ZNF385B: variants seen among roughly 807,000 people sequenced by gnomAD.
The protein encoded by ZNF385B is zinc finger protein 385B.
In ZNF385B, 23 loss-of-function variants were observed where a neutral mutation model predicts 39.2. That is an observed-to-expected ratio of 0.59 (90% CI 0.42 to 0.83). The LOEUF is 0.83. Among genes scored for constraint, ZNF385B ranks in the 40% least tolerant of loss-of-function variants. The pLI is 0.00. For synonymous variants in ZNF385B, 205 were observed against 222.6 expected (o/e 0.92, Z 0.70); for missense variants, 552 against 598.9 (o/e 0.92, Z 0.82).
At chr2:179,820,200 C>A (rs1249078188) in intron 1 of ZNF385B, among the ~76,000 whole-genome samples, 8 of 151,930 alleles carry the variant, frequency 5.3e-5, no homozygotes, top group Admixed American at 3.3e-4. Flanking sequence ...ACTTAAAAAT[C>A]TCTTTTCCAG....
chr2:179,461,233 G>A (rs72968279), intron 6 of ZNF385B, among the ~76,000 whole-genome samples: 27,946 of 152,090 alleles, frequency 0.18, 3,182 homozygotes, highest in East Asian at 0.37. Context: ...TGTTTGCTGA[G>A]TAGGGGAGAG....
chr2:179,627,482 A>G (rs1690765418), intron 3 of ZNF385B, among the ~76,000 whole-genome samples: 1 of 152,218 alleles, frequency 6.6e-6, no homozygotes, highest in South Asian at 2.1e-4. Flanking sequence ...GCTGAACAAG[A>G]GGAAACAGAG....
At chr2:179,543,640 T>C (rs1434786156) in intron 4 of ZNF385B, among the ~76,000 whole-genome samples, 1 of 152,126 alleles carries the variant, frequency 6.6e-6, no homozygotes, top group Non-Finnish European at 1.5e-5. Context: ...TCCACTGCTC[T>C]AGGAACAATG....
At chr2:179,812,522 T>A (rs965858020) in intron 1 of ZNF385B, among the ~76,000 whole-genome samples, 1 of 152,230 alleles carries the variant, frequency 6.6e-6, no homozygotes, top group Non-Finnish European at 1.5e-5. Flanking sequence ...GCCATTAATC[T>A]AAGTGAAGTA....
intron 3 of ZNF385B, among the ~76,000 whole-genome samples, chr2:179,666,685 C>T (rs977939122): frequency 6.6e-6 from 1 of 151,748 alleles, no homozygotes; most frequent in African/African-American, 2.4e-5. Context: ...TTTATTCATT[C>T]TTTTAATCTT....
At chr2:179,787,961 G>A (rs1040723756) in intron 1 of ZNF385B, among the ~76,000 whole-genome samples, 7 of 152,092 alleles carry the variant, frequency 4.6e-5, no homozygotes, top group Non-Finnish European at 8.8e-5. Context: ...CAAATTTTAG[G>A]TATCATTTAC....
intron 6 of ZNF385B, among the ~76,000 whole-genome samples, chr2:179,473,410 T>C (rs1477264613): frequency 6.6e-6 from 1 of 152,222 alleles, no homozygotes; most frequent in Non-Finnish European, 1.5e-5. Context: ...TTACTTTTTA[T>C]GGCTACCAAT....
intron 5 of ZNF385B, among the ~76,000 whole-genome samples, chr2:179,499,254 T>C (rs374703532): frequency 1.3e-5 from 2 of 152,040 alleles, no homozygotes; most frequent in East Asian, 3.9e-4. Flanking sequence ...AGAACTAATA[T>C]TAATCCTACT....
At position 179,544,841 on chromosome 2, in the gene ZNF385B, G is replaced by A; in HGVS notation, c.427C>T (p.Pro143Ser). ...VDSSSAVGLFPNFNTMDPVQK... is the reference protein window; with the variant it reads ...VDSSSAVGLFSNFNTMDPVQK... ...AATTTACTCACTGTGTTAAAATTTG[G>A]AAAGAGCCCAACAGCAGAACTACTG... is the stretch of plus-strand genomic sequence containing the variant. The change falls in exon 4 of 10, where the codon CCA becomes TCA. Residue 143 changes from proline to serine, a missense_variant. Coordinates refer to ENST00000410066, the MANE Select transcript of ZNF385B (RefSeq NM_152520.6). 6.2e-7 allele frequency: 1 copy of A among 1,613,996 alleles called. No individual in the cohort carries two copies. Among genetic ancestry groups the A allele is most frequent in the Non-Finnish European group, 8.5e-7 (1 of 1,179,936 alleles).
At chr2:179,519,152 A>G (rs1312335379) in intron 4 of ZNF385B, among the ~76,000 whole-genome samples, 1 of 152,132 alleles carries the variant, frequency 6.6e-6, no homozygotes, top group African/African-American at 2.4e-5. Context: ...CCAGCTAAAA[A>G]TGTTAATGTT....
At chr2:179,459,825 C>A (rs1278541286) in intron 6 of ZNF385B, among the ~76,000 whole-genome samples, 1 of 150,990 alleles carries the variant, frequency 6.6e-6, no homozygotes, top group Non-Finnish European at 1.5e-5. Context: ...ATATAGCGGC[C>A]AGGCGTGGTG....
intron 3 of ZNF385B, among the ~76,000 whole-genome samples, chr2:179,651,216 C>T (rs959608223): frequency 6.6e-6 from 1 of 151,760 alleles, no homozygotes; most frequent in East Asian, 1.9e-4. Flanking sequence ...AGGTAACTGA[C>T]ACAGGATACA....
intron 3 of ZNF385B, among the ~76,000 whole-genome samples, chr2:179,620,617 C>G (rs894088945): frequency 6.6e-6 from 1 of 152,030 alleles, no homozygotes; most frequent in Admixed American, 6.6e-5. Context: ...TTTCCTAACT[C>G]CTATGACAAT....
intron 5 of ZNF385B, among the ~76,000 whole-genome samples, chr2:179,484,081 T>G (rs555717612): frequency 6.6e-6 from 1 of 152,280 alleles, no homozygotes; most frequent in East Asian, 1.9e-4. Flanking sequence ...GCCTAAGTTG[T>G]TAGTGTTAAA....
intron 3 of ZNF385B, among the ~76,000 whole-genome samples, chr2:179,572,735 C>T (rs1685373301): frequency 6.6e-6 from 1 of 152,094 alleles, no homozygotes; most frequent in Non-Finnish European, 1.5e-5. Flanking sequence ...AAAACCCCTC[C>T]AACTCAGGGA....
At chr2:179,493,799 A>ATATACATATATGTATACATATG (rs2055827000) in intron 5 of ZNF385B, among the ~76,000 whole-genome samples, 2 of 71,386 alleles carry the variant, frequency 2.8e-5, no homozygotes, top group Non-Finnish European at 6.3e-5. Context: ...GTATACATAT[A>ATATACATATATGTATACATATG]TGTATATATA....
At chr2:179,600,833 A>G (rs572982217) in intron 3 of ZNF385B, among the ~76,000 whole-genome samples, 8 of 152,300 alleles carry the variant, frequency 5.3e-5, no homozygotes, top group Non-Finnish European at 1.2e-4. Flanking sequence ...GTGCCTAAAG[A>G]AAGTTCCCAG....
chr2:179,662,312 G>A (rs1417276348), intron 3 of ZNF385B, among the ~76,000 whole-genome samples: 2 of 151,308 alleles, frequency 1.3e-5, no homozygotes, highest in Admixed American at 1.3e-4. Flanking sequence ...GTGAATAACA[G>A]ATCCAGAGGG....
intron 4 of ZNF385B, among the ~76,000 whole-genome samples, chr2:179,528,060 C>T (rs1282177174): frequency 6.6e-6 from 1 of 151,996 alleles, no homozygotes; most frequent in Non-Finnish European, 1.5e-5. Context: ...TAAAGTCATA[C>T]CAAATATGCA....
Sources: allele counts gnomAD v4.1 joint callset (sites outside exome capture counted in the v4.1 genomes callset), GRCh38; gene constraint gnomAD v4.1.1; transcripts MANE v1.5; gene names NCBI Gene and HGNC (gene_info 2026-07-23, HGNC 2026-07-21).